GCH1: variants seen among roughly 807,000 people sequenced by gnomAD.
The protein encoded by GCH1 is GTP cyclohydrolase 1.
A neutral mutation model predicts 25.9 loss-of-function variants in GCH1; 5 were observed. The observed-to-expected ratio is 0.19, with a 90% confidence interval of 0.10 to 0.41. GCH1 has a LOEUF of 0.41. Ranked by LOEUF, GCH1 falls within the 10% of genes least tolerant of loss-of-function variation. The probability of loss-of-function intolerance (pLI) is 1.00; values close to 1 mark genes in which losing one functional copy is unlikely to be tolerated. For synonymous variants in GCH1, 159 were observed against 129.6 expected, an observed-to-expected ratio of 1.23 and a Z score of -1.54; for missense variants, 261 against 336.5, an observed-to-expected ratio of 0.78 and a Z score of 1.75.
chr14:54,853,393 A>G (rs2039763886), intron 3 of GCH1, among the ~76,000 whole-genome samples: 1 of 152,206 alleles, frequency 6.6e-6, no homozygotes, highest in African/African-American at 2.4e-5. Flanking sequence ...TCTTCCTAGA[A>G]TAATGCTAAT....
intron 1 of GCH1, among the ~76,000 whole-genome samples, chr14:54,866,529 T>C (rs1459534566): frequency 6.6e-6 from 1 of 150,816 alleles, no homozygotes; most frequent in Non-Finnish European, 1.5e-5. Flanking sequence ...CGTAGCTGAG[T>C]AATTTCAAGG....
chr14:54,843,755 T>C lies in GCH1; in HGVS notation c.*262A>G. On this transcript the variant is annotated 3_prime_UTR_variant, in exon 6 of 6. Coordinates refer to ENST00000491895, the MANE Select transcript of GCH1 (RefSeq NM_000161.3). The stretch of plus-strand genomic sequence containing the variant: ...CCCTTCCCAGGCCCCTCTGGTTATC[T>C]GGCAGTGGTTTTGTGCACGTACTTA... 6.2e-7 allele frequency: 1 copy of C among 1,613,930 alleles called. No homozygotes were observed. The highest frequency in any genetic ancestry group is 8.5e-7 in the Non-Finnish European group (1 of 1,179,948).
chr14:54,887,927 C>T (rs1232378105), intron 1 of GCH1, among the ~76,000 whole-genome samples: 12 of 152,034 alleles, frequency 7.9e-5, no homozygotes, highest in African/African-American at 2.7e-4. Context: ...TTAGTTTTTT[C>T]GGTATTACTA....
intron 1 of GCH1, among the ~76,000 whole-genome samples, chr14:54,882,571 G>C (rs895362781): frequency 2.0e-5 from 3 of 151,942 alleles, no homozygotes; most frequent in African/African-American, 7.3e-5. Flanking sequence ...TTTTTAACTG[G>C]ATAATTTTGT....
At chr14:54,898,314 G>A (rs2040516060) in intron 1 of GCH1, among the ~76,000 whole-genome samples, 1 of 152,230 alleles carries the variant, frequency 6.6e-6, no homozygotes, top group Non-Finnish European at 1.5e-5. Context: ...GTATGTCTGT[G>A]TAGGGCACTT....
chr14:54,862,182 C>G (rs117731037), intron 2 of GCH1, among the ~76,000 whole-genome samples: 2,305 of 151,984 alleles, frequency 0.015, 34 homozygotes, highest in South Asian at 0.048. Flanking sequence ...CAGGTATGCA[C>G]CCACCATGCC....
At chr14:54,897,509 G>A (rs1390565795) in intron 1 of GCH1, among the ~76,000 whole-genome samples, 3 of 149,764 alleles carry the variant, frequency 2.0e-5, no homozygotes, top group Non-Finnish European at 3.0e-5. Context: ...GGTTGGTCTC[G>A]AACTCCCAAC....
intron 1 of GCH1, among the ~76,000 whole-genome samples, chr14:54,873,091 G>T (rs1224701390): frequency 1.3e-5 from 2 of 150,674 alleles, no homozygotes; most frequent in Admixed American, 6.6e-5. Context: ...AAAATTGACG[G>T]AAGTAAAACA....
rs1419393564 is a variant in GCH1 at position 54,842,954 on chromosome 14, C to T, written c.*1063G>A. On this transcript the variant is annotated 3_prime_UTR_variant, in exon 6 of 6. Transcript: ENST00000491895. ...AGTGCATTTTCACAGATCGTTGGTA[C>T]GATACGCTTTGGTTAAAACGTTGGA... The T allele has an allele frequency of 8.5e-6, 6 of 706,028 alleles. No individual in the cohort carries two copies. The highest frequency in any genetic ancestry group is 2.6e-5 in the East Asian group (1 of 39,104). 43.7% of individuals were successfully genotyped at this position (706,028 alleles called of 1,614,324 possible). A position where few individuals can be genotyped will look rare whatever the true frequency, so the allele number is the denominator to read the frequency against.
intron 1 of GCH1, among the ~76,000 whole-genome samples, chr14:54,896,817 G>A (rs931720795): frequency 2.0e-5 from 3 of 151,100 alleles, no homozygotes; most frequent in African/African-American, 7.3e-5. Flanking sequence ...CTACTCAGGA[G>A]GCTGAGGCAG....
intron 3 of GCH1, among the ~76,000 whole-genome samples, chr14:54,848,021 C>CATAAGTCATA (rs1208975842): frequency 2.0e-5 from 3 of 152,262 alleles, no homozygotes; most frequent in African/African-American, 7.2e-5. Context: ...TAGACTTCTT[C>CATAAGTCATA]AGACACCTCT....
intron 1 of GCH1, among the ~76,000 whole-genome samples, chr14:54,900,074 A>T (rs1189669381): frequency 6.6e-6 from 1 of 151,936 alleles, no homozygotes; most frequent in Non-Finnish European, 1.5e-5. Flanking sequence ...CATGTTGGCC[A>T]GGCTGGTCTC....
At chr14:54,869,760 G>A (rs559952790) in intron 1 of GCH1, among the ~76,000 whole-genome samples, 12 of 152,322 alleles carry the variant, frequency 7.9e-5, no homozygotes, top group East Asian at 3.9e-4. Flanking sequence ...GATTACAGGC[G>A]TGAGCCACCG....
At chr14:54,853,753 T>G (rs2039769258) in intron 3 of GCH1, among the ~76,000 whole-genome samples, 1 of 152,106 alleles carries the variant, frequency 6.6e-6, no homozygotes, top group Non-Finnish European at 1.5e-5. Context: ...TTTTTTTTAA[T>G]GCTAGGCTTA....
At chr14:54,895,256 A>G (rs547827440) in intron 1 of GCH1, among the ~76,000 whole-genome samples, 8 of 152,326 alleles carry the variant, frequency 5.3e-5, no homozygotes, top group Admixed American at 1.3e-4. Flanking sequence ...GTGCTTCCTC[A>G]GCCCTCACAG....
intron 1 of GCH1, among the ~76,000 whole-genome samples, chr14:54,897,912 A>C (rs1338118536): frequency 1.3e-5 from 2 of 152,230 alleles, no homozygotes; most frequent in African/African-American, 4.8e-5. Flanking sequence ...TGAGAAATGC[A>C]GTTTCATATC....
chr14:54,860,834 C>T (rs548365867), intron 2 of GCH1, among the ~76,000 whole-genome samples: 16 of 152,124 alleles, frequency 1.1e-4, no homozygotes, highest in East Asian at 3.9e-4. Context: ...CCACCACGCC[C>T]GGCCCCATCT....
At chr14:54,867,593 A>AAAAAAAAAAAAAAAAAAC (rs2040007080) in intron 1 of GCH1, among the ~76,000 whole-genome samples, 1 of 148,258 alleles carries the variant, frequency 6.7e-6, no homozygotes, top group Non-Finnish European at 1.5e-5. Flanking sequence ...CCGTCTCAAA[A>AAAAAAAAAAAAAAAAAAC]AAAAAAAAAA....
At chr14:54,900,101 G>A (rs1006511074) in intron 1 of GCH1, among the ~76,000 whole-genome samples, 3 of 151,986 alleles carry the variant, frequency 2.0e-5, no homozygotes, top group Non-Finnish European at 2.9e-5. Context: ...CTGACCTCAG[G>A]TGATCCGCCC....
Sources: gnomAD v4.1 joint callset for allele counts (sites outside exome capture counted in the v4.1 genomes callset) on GRCh38, gnomAD v4.1.1 for gene constraint, MANE v1.5 for transcripts, NCBI Gene and HGNC (gene_info 2026-07-23, HGNC 2026-07-21) for gene names.